Variants in RGS6 observed in about 807,000 individuals in gnomAD.
RGS6 encodes regulator of G protein signaling 6.
RGS6 carries 30 observed loss-of-function variants against 78.5 expected under a neutral mutation model. The observed-to-expected ratio is 0.38, with a 90% CI of 0.29 to 0.52. RGS6 has a LOEUF of 0.52. RGS6 is among the 20% of genes least tolerant of loss of function. The pLI is 0.85. For synonymous variants in RGS6, 206 were observed against 206.0 expected, an observed-to-expected ratio of 1.00 and a Z score of 0.00; for missense variants, 495 against 609.7, an observed-to-expected ratio of 0.81 and a Z score of 1.98.
At chr14:72,140,822 C>T (rs899826297) in intron 2 of RGS6, among the ~76,000 whole-genome samples, 3 of 152,142 alleles carry the variant, frequency 2.0e-5, no homozygotes, top group East Asian at 1.9e-4. Flanking sequence ...TCTGAGGATG[C>T]GGGCAAGCCA....
At chr14:72,451,667 C>T (rs982709304) in intron 3 of RGS6, among the ~76,000 whole-genome samples, 2 of 152,184 alleles carry the variant, frequency 1.3e-5, no homozygotes, top group African/African-American at 4.8e-5. Context: ...TCAGCAAGCT[C>T]AGCAGAAAGA....
At chr14:72,413,246 G>A (rs1293744104) in intron 3 of RGS6, among the ~76,000 whole-genome samples, 1 of 152,214 alleles carries the variant, frequency 6.6e-6, no homozygotes, top group Non-Finnish European at 1.5e-5. Flanking sequence ...ATGAATCTGG[G>A]TGCTCCTGTA....
intron 3 of RGS6, among the ~76,000 whole-genome samples, chr14:72,433,588 G>A (rs1477101561): frequency 1.3e-5 from 2 of 152,106 alleles, no homozygotes; most frequent in East Asian, 3.8e-4. Flanking sequence ...ATCGTAAGTA[G>A]GATGTAGAGG....
At chr14:72,560,477 G>A (rs984327390) in intron 17 of RGS6, among the ~76,000 whole-genome samples, 2 of 152,166 alleles carry the variant, frequency 1.3e-5, no homozygotes, top group Non-Finnish European at 2.9e-5. Context: ...GCACATTCCC[G>A]AGTGACAAAT....
intron 3 of RGS6, among the ~76,000 whole-genome samples, chr14:72,367,990 T>C (rs888138420): frequency 1.3e-5 from 2 of 152,254 alleles, no homozygotes; most frequent in Admixed American, 6.5e-5. Context: ...ATGTTCTAAC[T>C]GAATCTACCT....
At chr14:72,580,359 A>C in the RGS6 span, among the ~76,000 whole-genome samples, 1 of 148,824 alleles carries the variant, frequency 6.7e-6, no homozygotes, top group Non-Finnish European at 1.5e-5. Context: ...GAGAGAAGCA[A>C]TCAGCTCCCA....
chr14:72,535,893 C>A (rs1328161542), intron 15 of RGS6, among the ~76,000 whole-genome samples: 1 of 152,148 alleles, frequency 6.6e-6, no homozygotes, highest in East Asian at 1.9e-4. Context: ...CTCCTCATTG[C>A]CATGTCTGGT....
the RGS6 span, among the ~76,000 whole-genome samples, chr14:71,910,820 C>T: frequency 5.3e-5 from 8 of 152,098 alleles, no homozygotes; most frequent in East Asian, 1.9e-4. Context: ...AGTGGAAACT[C>T]AAGAGGAAGG....
chr14:72,405,666 G>C (rs1355865094), intron 3 of RGS6, among the ~76,000 whole-genome samples: 1 of 152,236 alleles, frequency 6.6e-6, no homozygotes, highest in East Asian at 1.9e-4. Flanking sequence ...TAACCCATGT[G>C]GCCTTGTGTC....
At chr14:71,963,922 T>C (rs556453916) in intron 1 of RGS6, among the ~76,000 whole-genome samples, 7 of 152,354 alleles carry the variant, frequency 4.6e-5, no homozygotes, top group Admixed American at 6.5e-5. Context: ...TTCAACTTTT[T>C]TGAGGAAACA....
intron 2 of RGS6, among the ~76,000 whole-genome samples, chr14:72,035,945 C>T (rs2091632374): frequency 6.6e-6 from 1 of 151,998 alleles, no homozygotes; most frequent in African/African-American, 2.4e-5. Context: ...ATTTATGTAA[C>T]CACTGCCATA....
chr14:71,973,228 T>C (rs528144734), intron 2 of RGS6, among the ~76,000 whole-genome samples: 1 of 152,324 alleles, frequency 6.6e-6, no homozygotes, highest in South Asian at 2.1e-4. Context: ...TTTTATTATT[T>C]TACTACTTCA....
At chr14:72,138,449 GTT>G (rs71448384) in intron 2 of RGS6, among the ~76,000 whole-genome samples, 109 of 86,662 alleles carry the variant, frequency 1.3e-3, no homozygotes, top group African/African-American at 4.5e-3. Context: ...ACCTGTACCT[GTT>G]TTTTTTTTTT....
intron 3 of RGS6, among the ~76,000 whole-genome samples, chr14:72,372,146 G>A (rs1387161478): frequency 2.0e-5 from 3 of 152,028 alleles, no homozygotes; most frequent in East Asian, 1.9e-4. Flanking sequence ...AACACAAAAC[G>A]TTGTTACTGA....
At chr14:72,453,011 A>C (rs1242762697) in intron 3 of RGS6, among the ~76,000 whole-genome samples, 32 of 152,184 alleles carry the variant, frequency 2.1e-4, no homozygotes, top group Admixed American at 2.1e-3. Flanking sequence ...GGCCTGTTGC[A>C]CTTGGAGGGA....
intron 2 of RGS6, among the ~76,000 whole-genome samples, chr14:71,994,696 C>T (rs182041012): frequency 7.9e-5 from 12 of 152,186 alleles, no homozygotes; most frequent in Admixed American, 3.9e-4. Flanking sequence ...TTGCACCCAC[C>T]GAGAACATTG....
rs2093491669 is a variant in RGS6 at position 72,054,223 on chromosome 14, T to A, written c.84+89348T>A. 6.6e-5 allele frequency among the ~76,000 whole-genome samples: 10 copies of A among 152,224 alleles called. No homozygotes were observed. The South Asian group carries it at 2.1e-3, about 32-fold the overall frequency. ...TAACCTTCAAAAAACTGGGAATTGT[T>A]AAATTATACATTGGATTTTGGGGGC... is the stretch of plus-strand genomic sequence containing the variant. On this transcript the variant is annotated intron_variant, in intron 2 of 17. Coordinates refer to ENST00000553525, the MANE Select transcript of RGS6 (RefSeq NM_001204424.2).
chr14:71,936,015 G>GAGATATATATATATATATATATATAT (rs751624395), intron 1 of RGS6, among the ~76,000 whole-genome samples: 4 of 63,778 alleles, frequency 6.3e-5, no homozygotes, highest in African/African-American at 2.1e-4. Context: ...GAACTAATAG[G>GAGATATATATATATATATATATATAT]ATATATATAT....
the RGS6 span, among the ~76,000 whole-genome samples, chr14:71,918,110 G>T: frequency 3.4e-5 from 5 of 145,692 alleles, no homozygotes; most frequent in Non-Finnish European, 7.5e-5. Flanking sequence ...GAACCCGGGG[G>T]GCGGAGCTTG....
Sources: allele counts gnomAD v4.1 joint callset (sites outside exome capture counted in the v4.1 genomes callset), GRCh38; gene constraint gnomAD v4.1.1; transcripts MANE v1.5; gene names NCBI Gene and HGNC (gene_info 2026-07-23, HGNC 2026-07-21).